The following GPHN variants were observed in gnomAD, a reference collection of about 807,000 sequenced individuals.
The protein encoded by GPHN is gephyrin.
A neutral mutation model predicts 95.5 loss-of-function variants in GPHN; 17 were observed. The ratio of observed to expected loss-of-function variants is 0.18; its 90% CI spans 0.12 to 0.27. The LOEUF is 0.27. Among genes scored for constraint, GPHN ranks in the 10% least tolerant of loss-of-function variants. GPHN has a pLI of 1.00. For synonymous variants in GPHN, 320 were observed against 322.5 expected (o/e 0.99, Z 0.08); for missense variants, 660 against 978.1 (o/e 0.67, Z 4.34).
intron 17 of GPHN, among the ~76,000 whole-genome samples, chr14:67,142,048 G>C (rs1158692586): frequency 6.6e-6 from 1 of 152,156 alleles, no homozygotes; most frequent in Non-Finnish European, 1.5e-5. Context: ...TAGAACCCAA[G>C]AGCAAGAATA....
intron 2 of GPHN, among the ~76,000 whole-genome samples, chr14:66,702,546 G>T (rs1197829643): frequency 6.6e-6 from 1 of 152,092 alleles, no homozygotes; most frequent in Non-Finnish European, 1.5e-5. Flanking sequence ...AACCACAGCA[G>T]CCATATAGAA....
the GPHN span, chr14:67,340,614 G>A: frequency 9.4e-7 from 1 of 1,059,994 alleles, no homozygotes. Flanking sequence ...TTTCCTAATT[G>A]TAAAATTAAT....
chr14:67,377,145 C>T, the GPHN span, among the ~76,000 whole-genome samples: 3 of 152,168 alleles, frequency 2.0e-5, no homozygotes, highest in Non-Finnish European at 4.4e-5. Flanking sequence ...TGCCTTTTCT[C>T]TCTTATCCAA....
intron 8 of GPHN, among the ~76,000 whole-genome samples, chr14:66,939,227 G>C (rs758489329): frequency 6.6e-6 from 1 of 152,068 alleles, no homozygotes; most frequent in Non-Finnish European, 1.5e-5. Flanking sequence ...AAGATTCTAT[G>C]AACAGAGAAA....
Position 67,113,146 on chromosome 14 carries a change from T to C in GPHN, c.1601T>C (p.Val534Ala). Residue 534 changes from valine to alanine, a missense_variant, in exon 16 of 23, where the codon GTT (valine) becomes GCT (alanine). Physicochemically the swap from Val to Ala is moderately conservative, Grantham distance 64 (BLOSUM62 0). Around this residue, in one of 6 missense-constraint regions of GPHN, gnomAD observed 257 missense variants for 376.2 expected, o/e 0.68. Coordinates refer to ENST00000478722, the MANE Select transcript of GPHN (RefSeq NM_020806.5). ...TEVEVNKFPV[V>A]AVMSTGNELL... ...GTTGAAGTTAATAAGTTTCCAGTGGTTGCAGTCATGTCAACAGGGAATGAG... is the reference window on the plus strand; with the variant it reads ...GTTGAAGTTAATAAGTTTCCAGTGGCTGCAGTCATGTCAACAGGGAATGAG... 6.2e-7 allele frequency: 1 copy of C among 1,613,968 alleles called. No individual in the cohort carries two copies. The highest frequency in any genetic ancestry group is 8.5e-7 in the Non-Finnish European group (1 of 1,179,836).
intron 1 of GPHN, among the ~76,000 whole-genome samples, chr14:66,586,690 T>G (rs1171593844): frequency 6.6e-6 from 1 of 152,236 alleles, no homozygotes; most frequent in Non-Finnish European, 1.5e-5. Flanking sequence ...GAAAATTCTT[T>G]TCTTTAAGAA....
intron 17 of GPHN, among the ~76,000 whole-genome samples, chr14:67,129,277 C>T (rs1007098079): frequency 9.2e-5 from 14 of 152,050 alleles, no homozygotes; most frequent in South Asian, 4.1e-4. Flanking sequence ...CTTTCCAAAA[C>T]GGACAAAAGA....
intron 5 of GPHN, among the ~76,000 whole-genome samples, chr14:66,905,136 TTC>T (rs1006824609): frequency 1.3e-5 from 2 of 152,142 alleles, no homozygotes; most frequent in Non-Finnish European, 2.9e-5. Flanking sequence ...TGCTTTTTTC[TTC>T]TCTGTGTATT....
chr14:67,110,010 C>T, intron 13 of GPHN, 130 bp from the exon 14 acceptor site: 1 of 798,700 alleles, frequency 1.3e-6, no homozygotes, highest in South Asian at 1.6e-5. Flanking sequence ...TACACTGGCC[C>T]AAAATGAATA....
chr14:66,559,180 A>G (rs2060126985), intron 1 of GPHN, among the ~76,000 whole-genome samples: 1 of 152,132 alleles, frequency 6.6e-6, no homozygotes, highest in Admixed American at 6.6e-5. Context: ...GCTATTGTGA[A>G]TAGTACCGCA....
chr14:67,290,965 G>T, the GPHN span, among the ~76,000 whole-genome samples: 1 of 152,076 alleles, frequency 6.6e-6, no homozygotes, highest in Non-Finnish European at 1.5e-5. Context: ...AAATAAAGTA[G>T]AAATTATAAA....
chr14:67,415,894 G>A, the GPHN span, among the ~76,000 whole-genome samples: 3 of 152,162 alleles, frequency 2.0e-5, no homozygotes, highest in Non-Finnish European at 4.4e-5. Flanking sequence ...ACCAAACATC[G>A]CATGGTCTCA....
the GPHN span, chr14:67,573,329 G>T: frequency 1.2e-6 from 2 of 1,613,800 alleles, no homozygotes; most frequent in Admixed American, 3.3e-5. This position sits in a 1 kb window ranked among gnomAD's most constrained non-coding sequence, Gnocchi z 4.8. Flanking sequence ...AGGTGAAGAC[G>T]TGGAAGAGGC....
intron 9 of GPHN, among the ~76,000 whole-genome samples, chr14:66,976,019 AT>A (rs1207226383): frequency 6.6e-6 from 1 of 152,214 alleles, no homozygotes. Context: ...ACTAAAAAAT[AT>A]TTTTAAGCCC....
intron 9 of GPHN, among the ~76,000 whole-genome samples, chr14:66,990,917 A>C (rs2153603813): frequency 6.6e-6 from 1 of 152,008 alleles, no homozygotes; most frequent in African/African-American, 2.4e-5. Context: ...ATCATTCAGA[A>C]GTGTGAGATA....
the GPHN span, chr14:67,533,886 A>T: frequency 2.0e-5 from 3 of 152,200 alleles, no homozygotes; most frequent in African/African-American, 4.8e-5. Context: ...GACACAGAGC[A>T]TTGTGTCCTA....
intron 4 of GPHN, among the ~76,000 whole-genome samples, chr14:66,870,522 A>T (rs925288920): frequency 6.6e-6 from 1 of 152,188 alleles, no homozygotes; most frequent in East Asian, 1.9e-4. Flanking sequence ...TGAACCAGCA[A>T]TATGGAGAGC....
the GPHN span, chr14:67,646,636 T>G: frequency 6.3e-7 from 1 of 1,593,808 alleles, no homozygotes; most frequent in Non-Finnish European, 8.6e-7. Flanking sequence ...CATTTCTCCC[T>G]TTCATAGGTA....
rs570095072 is a variant in GPHN, at chr14:66,675,089, T to C, written c.65-6018T>C. 4.6e-5 allele frequency among the ~76,000 whole-genome samples: 7 copies of C among 152,282 alleles called. No homozygotes were observed. The South Asian group carries it at 1.2e-3, about 27-fold the overall frequency. On this transcript the variant is annotated intron_variant, in intron 1 of 22. Coordinates refer to ENST00000478722, the MANE Select transcript of GPHN (RefSeq NM_020806.5). ...TAGGGATGTTGAGCATTCATTCATA[T>C]ATTTGTTGGCTATTTGTTTGTCTTC...
Sources: gnomAD v4.1 joint callset for allele counts (sites outside exome capture counted in the v4.1 genomes callset) on GRCh38, gnomAD v4.1.1 for gene constraint, gnomAD v4.1.1 regional missense constraint, Gnocchi (gnomAD v3.1) non-coding constraint, MANE v1.5 for transcripts, NCBI Gene and HGNC (gene_info 2026-07-23, HGNC 2026-07-21) for gene names.